Variants in CD36 observed in about 807,000 individuals in gnomAD.
CD36 encodes CD36 molecule (CD36 blood group).
CD36 carries 119 observed loss-of-function variants against 55.2 expected under a neutral mutation model. That is an observed-to-expected ratio of 2.15 (90% CI 1.86 to 2.51). The LOEUF is 2.51. Among genes scored for constraint, CD36 ranks in the 30% most tolerant of loss-of-function variants. CD36 has a pLI of 0.00. For missense variants in CD36, 819 were observed against 555.5 expected (o/e 1.47, Z -4.77); for synonymous variants, 186 against 193.6 (o/e 0.96, Z 0.33).
chr7:80,678,727 C>T lies in CD36; in HGVS notation c.*2344C>T, dbSNP rs928027710. 1 of 152,088 alleles carries T rather than the reference C, an allele frequency of 6.6e-6. No homozygotes were observed. The highest frequency in any genetic ancestry group is 6.5e-5 in the Admixed American group (1 of 15,268). The allele number at this position is 152,088 out of a possible 1,614,324, so 9.4% of individuals were successfully genotyped here. On this transcript the variant is annotated 3_prime_UTR_variant, in exon 15 of 15. Transcript: ENST00000447544. ...AATGAGCGGGGTGTGGTGGCCCATGCCTGTAGTCCCAGCTGCTCGGGAGAC... is the reference window on the plus strand; with the variant it reads ...AATGAGCGGGGTGTGGTGGCCCATGTCTGTAGTCCCAGCTGCTCGGGAGAC...
chr7:80,674,046 C>A lies in CD36; in HGVS notation c.1318C>A (p.Leu440Ile). ...FRSQVTGKIN[L>I]LGLIEMILLS... ...AAGTCAAGTAACTGGAAAAATAAAC[C>A]TCCTTGGCCTGATAGAAATGATCTT... is the stretch of plus-strand genomic sequence containing the variant. Residue 440 changes from leucine (L) to isoleucine (I), a missense_variant, in exon 14 of 15, where the codon CTC (leucine) becomes ATC (isoleucine). Transcript: ENST00000447544. 1 of 1,611,788 alleles carries A rather than the reference C, an allele frequency of 6.2e-7. No individual in the cohort carries two copies. Among genetic ancestry groups the A allele is most frequent in the Non-Finnish European group, 8.5e-7 (1 of 1,178,490 alleles).
chr7:80,607,896 C>T (rs767086407), intron 1 of CD36, among the ~76,000 whole-genome samples: 1 of 152,046 alleles, frequency 6.6e-6, no homozygotes, highest in Non-Finnish European at 1.5e-5. Context: ...CTCATCCTCC[C>T]GAGTGCTGGG....
chr7:80,672,643 A>AAAGTTTCAATTAGTCCTGTTTAACCTT, intron 11 of CD36, 127 bp from the exon 12 acceptor site: 1 of 680,328 alleles, frequency 1.5e-6, no homozygotes, highest in Non-Finnish European at 2.7e-6. Context: ...TGCAGTTTTA[A>AAAGTTTCAATTAGTCCTGTTTAACCTT]AAGTTTCAAT....
rs1797843548 is a variant in CD36 at position 80,672,863 on chromosome 7, T to TTA, written c.1199+22_1199+23dup. On this transcript the variant is annotated intron_variant, in intron 12 of 14. Transcript: ENST00000447544. ...AATTCAGTGAGTCTCTTGAAAATGG[T>TTA]TATTTTGATATGATCTGTAGTATCG... is the stretch of plus-strand genomic sequence containing the variant. 1.3e-6 allele frequency: 2 copies of TTA among 1,529,768 alleles called. No homozygotes were observed. The highest frequency in any genetic ancestry group is 1.8e-6 in the Non-Finnish European group (2 of 1,105,426). 94.8% of individuals were successfully genotyped at this position (1,529,768 alleles called of 1,614,324 possible). A position where few individuals can be genotyped will look rare whatever the true frequency, so the allele number is the denominator to read the frequency against.
chr7:80,636,315 C>A (rs1205664206), upstream of CD36, among the ~76,000 whole-genome samples: 1 of 151,860 alleles, frequency 6.6e-6, no homozygotes, highest in African/African-American at 2.4e-5. Flanking sequence ...TTTCTCTATT[C>A]TTTGATTATG....
upstream of CD36, among the ~76,000 whole-genome samples, chr7:80,637,479 C>T (rs1378345549): frequency 6.6e-6 from 1 of 151,430 alleles, no homozygotes; most frequent in African/African-American, 2.4e-5. Context: ...AATAGACTTA[C>T]AATATTTTTA....
In CD36 at chr7:80,669,998, A is replaced by C. The variant is rs749326837; in HGVS notation, c.794A>C (p.Gln265Pro). The C allele has an allele frequency of 2.6e-5, 42 of 1,610,876 alleles. No individual in the cohort carries two copies. The highest frequency in any genetic ancestry group is 3.3e-4 in the Middle Eastern group (2 of 6,042). ...PPFVEKSQVL[Q>P]FFSSDICRSI... ...TTTGTTGAGAAAAGCCAGGTATTGC[A>C]GTTCTTTTCTTCTGATATTTGCAGG... The change falls in exon 9 of 15, where the codon CAG becomes CCG. Residue 265 changes from glutamine to proline, a missense_variant. Transcript: ENST00000447544.
In CD36 at chr7:80,670,022, G is replaced by C. The variant is rs199681631; in HGVS notation, c.818G>C (p.Arg273Thr). The C allele has an allele frequency of 7.5e-6, 12 of 1,592,064 alleles. No individual in the cohort carries two copies. The highest frequency in any genetic ancestry group is 8.6e-7 in the Non-Finnish European group (1 of 1,160,798). The change falls in exon 9 of 15, where the codon AGG becomes ACG. Residue 273 changes from arginine (R) to threonine (T), a missense_variant and splice_region_variant. Coordinates refer to ENST00000447544, the MANE Select transcript of CD36 (RefSeq NM_001001548.3). ...CAGTTCTTTTCTTCTGATATTTGCAGGTAAGACAGATACTGAAGTATAAGT... is the reference window on the plus strand; with the variant it reads ...CAGTTCTTTTCTTCTGATATTTGCACGTAAGACAGATACTGAAGTATAAGT... The part of the protein sequence containing the change: ...VLQFFSSDIC[R>T]SIYAVFESDV...
upstream of CD36, among the ~76,000 whole-genome samples, chr7:80,633,830 G>A (rs578177168): frequency 2.5e-4 from 38 of 151,856 alleles, no homozygotes; most frequent in African/African-American, 9.2e-4. Flanking sequence ...GTTTTACATT[G>A]GTAACTAATG....
At chr7:80,673,293 A>C in intron 12 of CD36, 62 bp from the exon 13 acceptor site, 2 of 758,822 alleles carry the variant, frequency 2.6e-6, no homozygotes, top group Non-Finnish European at 4.4e-6. Flanking sequence ...CATTTATTTT[A>C]AAGTTTGTTA....
chr7:80,626,879 G>T (rs939800152), intron 1 of CD36, among the ~76,000 whole-genome samples: 1 of 151,960 alleles, frequency 6.6e-6, no homozygotes, highest in Non-Finnish European at 1.5e-5. Context: ...ACATGCTAAC[G>T]AGTTCTATTG....
chr7:80,640,652 G>C (rs188332909), intron 1 of CD36, among the ~76,000 whole-genome samples: 30 of 151,992 alleles, frequency 2.0e-4, no homozygotes, highest in African/African-American at 7.0e-4. Context: ...TCTTGTCTAA[G>C]GTTCAAAAAT....
chr7:80,623,952 G>A (rs537721626), intron 1 of CD36: 150 of 152,232 alleles, frequency 9.9e-4, no homozygotes, highest in African/African-American at 3.5e-3. Context: ...AACAAACACT[G>A]GCTGCAAGAT....
intron 10 of CD36, among the ~76,000 whole-genome samples, chr7:80,671,410 A>T (rs1797664244): frequency 6.6e-6 from 1 of 152,128 alleles, no homozygotes; most frequent in Non-Finnish European, 1.5e-5. Flanking sequence ...TTTTGGGAAG[A>T]TCCCACTTGT....
At chr7:80,653,364 T>C (rs1206709418) in intron 3 of CD36, among the ~76,000 whole-genome samples, 1 of 152,220 alleles carries the variant, frequency 6.6e-6, no homozygotes, top group Non-Finnish European at 1.5e-5. Flanking sequence ...TGATTATTGC[T>C]GTTGCATGAA....
At chr7:80,616,373 T>A (rs1440041075) in intron 1 of CD36, among the ~76,000 whole-genome samples, 1 of 151,824 alleles carries the variant, frequency 6.6e-6, no homozygotes, top group Non-Finnish European at 1.5e-5. Context: ...TTTACACCAT[T>A]GTGATGTTGA....
At chr7:80,662,957 T>TTCTTG in intron 5 of CD36, 33 bp from the exon 6 acceptor site, 3 of 1,530,092 alleles carry the variant, frequency 2.0e-6, no homozygotes, top group Non-Finnish European at 2.7e-6. Flanking sequence ...TAATATTGTA[T>TTCTTG]TCTTGTCTTA....
chr7:80,641,074 G>A (rs867766831), intron 1 of CD36, among the ~76,000 whole-genome samples: 26 of 152,130 alleles, frequency 1.7e-4, no homozygotes, highest in African/African-American at 5.5e-4. Flanking sequence ...CAAGTGAAGC[G>A]TGACTGGGAA....
chr7:80,678,302 C>T lies in CD36; in HGVS notation c.*1919C>T, dbSNP rs1798224659. On this transcript the variant is annotated 3_prime_UTR_variant, in exon 15 of 15. Coordinates refer to ENST00000447544, the MANE Select transcript of CD36 (RefSeq NM_001001548.3). ...CCTTTGATAGAAGCACATTTTCTTTCCAAAGCTGGTTATTAACCACAGAAT... is the reference window on the plus strand; with the variant it reads ...CCTTTGATAGAAGCACATTTTCTTTTCAAAGCTGGTTATTAACCACAGAAT... The T allele has an allele frequency of 6.6e-6, 1 of 152,042 alleles. No homozygotes were observed. Among genetic ancestry groups the T allele is most frequent in the Non-Finnish European group, 1.5e-5 (1 of 68,020 alleles). 9.4% of individuals were successfully genotyped at this position (152,042 alleles called of 1,614,324 possible). A position where few individuals can be genotyped will look rare whatever the true frequency, so the allele number is the denominator to read the frequency against.
Sources: allele counts gnomAD v4.1 joint callset (sites outside exome capture counted in the v4.1 genomes callset), GRCh38; gene constraint gnomAD v4.1.1; transcripts MANE v1.5; gene names NCBI Gene and HGNC (gene_info 2026-07-23, HGNC 2026-07-21).